RNF169: variants seen among roughly 807,000 people sequenced by gnomAD.
RNF169 encodes the protein ring finger protein 169.
RNF169 carries 24 observed loss-of-function variants against 53.9 expected under a neutral mutation model. That is an observed-to-expected ratio of 0.45 (90% CI 0.32 to 0.63). The LOEUF (loss-of-function observed/expected upper bound fraction) is 0.63. Ranked by LOEUF, RNF169 falls within the 20% of genes least tolerant of loss-of-function variation. The pLI is 0.04. For missense variants in RNF169, 883 were observed against 906.2 expected (o/e 0.97, Z 0.33); for synonymous variants, 396 against 363.5 (o/e 1.09, Z -1.02).
Position 74,817,604 on chromosome 11 carries a change from A to C in RNF169, c.732A>C (p.Ala244=), listed in dbSNP as rs1255067230. 1 of 1,607,692 alleles carries C rather than the reference A, an allele frequency of 6.2e-7. No individual in the cohort carries two copies. Among genetic ancestry groups the C allele is most frequent in the East Asian group, 2.2e-5 (1 of 44,870 alleles). ...CCTTGTCTCCCTGCCAGTGTCCTGC[A>C]CGTCTCTCAGATTCAGAGAATGAAG... ...VLKTNLERCP[A]RLSDSENEEP... is the part of the protein sequence containing the mutation. The change falls in exon 4 of 6, where the codon GCA becomes GCC. Residue 244 remains alanine (A), a synonymous_variant. Transcript: ENST00000299563.
intron 1 of RNF169, among the ~76,000 whole-genome samples, chr11:74,781,313 C>T (rs1381267355): frequency 1.3e-5 from 2 of 152,174 alleles, no homozygotes; most frequent in African/African-American, 4.8e-5. Flanking sequence ...ATGGTGGATC[C>T]TCTGTAGGAA....
At chr11:74,817,561 A>G (rs577303836) in intron 3 of RNF169, 35 bp from the exon 4 acceptor site, 1 of 1,375,830 alleles carries the variant, frequency 7.3e-7, no homozygotes, top group South Asian at 1.2e-5. Context: ...GGGAACTCCA[A>G]ATGGACAGTG....
intron 4 of RNF169, chr11:74,830,506 C>G (rs2036162251): frequency 6.6e-6 from 1 of 150,998 alleles, no homozygotes; most frequent in African/African-American, 2.4e-5. Flanking sequence ...AGTTGAAAAT[C>G]TGAATTGACC....
intron 1 of RNF169, among the ~76,000 whole-genome samples, chr11:74,778,663 A>G (rs2035372031): frequency 2.6e-5 from 4 of 152,250 alleles, no homozygotes; most frequent in Middle Eastern, 6.8e-3. Context: ...AAGGCCTGCA[A>G]TTTCTATAGT....
intron 2 of RNF169, among the ~76,000 whole-genome samples, chr11:74,797,227 C>T (rs901794283): frequency 1.3e-5 from 2 of 152,064 alleles, no homozygotes; most frequent in Admixed American, 6.5e-5. Context: ...TAATTATCTT[C>T]GAAATTACAT....
chr11:74,817,166 T>G (rs1181022535), intron 3 of RNF169, among the ~76,000 whole-genome samples: 1 of 152,222 alleles, frequency 6.6e-6, no homozygotes, highest in Non-Finnish European at 1.5e-5. Context: ...TATCCATGTA[T>G]TAACCCTGTA....
At chr11:74,835,143 C>T (rs961515207) in intron 5 of RNF169, among the ~76,000 whole-genome samples, 4 of 152,074 alleles carry the variant, frequency 2.6e-5, no homozygotes, top group Admixed American at 6.6e-5. Flanking sequence ...GCCACCATAC[C>T]TGGGGAATTT....
chr11:74,810,446 T>C, intron 3 of RNF169, 116 bp downstream of exon 3: 3 of 942,462 alleles, frequency 3.2e-6, no homozygotes, highest in Non-Finnish European at 5.0e-6. Context: ...AGTCAGTGAC[T>C]GTGCAGCTTA....
chr11:74,804,453 T>C (rs947252895), intron 2 of RNF169, among the ~76,000 whole-genome samples: 3 of 152,236 alleles, frequency 2.0e-5, no homozygotes, highest in Admixed American at 2.0e-4. Flanking sequence ...TGTCATGTTT[T>C]TGCACTGCAT....
At chr11:74,815,047 T>C (rs1591423427) in intron 3 of RNF169, among the ~76,000 whole-genome samples, 1 of 152,326 alleles carries the variant, frequency 6.6e-6, no homozygotes, top group East Asian at 1.9e-4. Flanking sequence ...TCTTTTCCTT[T>C]TTTTTAGGTA....
At chr11:74,788,808 C>A (rs1254621367) in intron 1 of RNF169, among the ~76,000 whole-genome samples, 1 of 152,078 alleles carries the variant, frequency 6.6e-6, no homozygotes, top group Non-Finnish European at 1.5e-5. Context: ...TTTATTGTTA[C>A]ATCTTCTTGA....
intron 2 of RNF169, among the ~76,000 whole-genome samples, chr11:74,795,982 A>C (rs1327117238): frequency 6.6e-6 from 1 of 152,214 alleles, no homozygotes; most frequent in African/African-American, 2.4e-5. Flanking sequence ...ATCCTTGCCA[A>C]ACCTTTTTCA....
intron 4 of RNF169, among the ~76,000 whole-genome samples, chr11:74,827,201 C>G (rs912616636): frequency 3.3e-5 from 5 of 152,212 alleles, no homozygotes; most frequent in Non-Finnish European, 7.3e-5. Flanking sequence ...CCTACAGGCC[C>G]AATACCACAT....
At chr11:74,831,472 C>T (rs138767099) in intron 4 of RNF169, 132 of 152,142 alleles carry the variant, frequency 8.7e-4, no homozygotes, top group Middle Eastern at 3.4e-3. Flanking sequence ...AACTACAAAA[C>T]GTTGCTGAAA....
chr11:74,785,321 T>C (rs2035484399), intron 1 of RNF169, among the ~76,000 whole-genome samples: 1 of 146,072 alleles, frequency 6.8e-6, no homozygotes, highest in South Asian at 2.1e-4. Context: ...ATATGTTATA[T>C]ATATTATATA....
intron 4 of RNF169, among the ~76,000 whole-genome samples, chr11:74,818,420 T>A (rs1449657870): frequency 6.6e-6 from 1 of 152,130 alleles, no homozygotes; most frequent in Non-Finnish European, 1.5e-5. Context: ...TTAGACAGTG[T>A]CTCACTCTGT....
chr11:74,781,658 C>T (rs576819063), intron 1 of RNF169, among the ~76,000 whole-genome samples: 8 of 152,218 alleles, frequency 5.3e-5, no homozygotes, highest in Admixed American at 5.2e-4. Context: ...GTGTTTTGTT[C>T]TTAGTTTTTA....
Position 74,817,606 on chromosome 11 carries a change from G to A in RNF169, c.734G>A (p.Arg245His), listed in dbSNP as rs982432319. The part of the protein sequence containing the change: ...LKTNLERCPA[R>H]LSDSENEEPS... ...TTGTCTCCCTGCCAGTGTCCTGCACGTCTCTCAGATTCAGAGAATGAAGAA... is the reference window on the plus strand; with the variant it reads ...TTGTCTCCCTGCCAGTGTCCTGCACATCTCTCAGATTCAGAGAATGAAGAA... Residue 245 changes from arginine (R) to histidine (H), a missense_variant, in exon 4 of 6, where the codon CGT (arginine) becomes CAT (histidine). Physicochemically the swap from Arg to His is conservative, Grantham distance 29. Transcript: ENST00000299563. 4.4e-6 allele frequency: 7 copies of A among 1,609,054 alleles called. No individual in the cohort carries two copies. Among genetic ancestry groups the A allele is most frequent in the Admixed American group, 1.7e-5 (1 of 60,002 alleles).
intron 1 of RNF169, among the ~76,000 whole-genome samples, chr11:74,782,085 T>TA (rs1360807311): frequency 6.6e-6 from 1 of 152,236 alleles, no homozygotes; most frequent in Non-Finnish European, 1.5e-5. Context: ...TTTATTATCT[T>TA]ACGCTTTGTA....
Sources: gnomAD v4.1 joint callset for allele counts (sites outside exome capture counted in the v4.1 genomes callset) on GRCh38, gnomAD v4.1.1 for gene constraint, MANE v1.5 for transcripts, NCBI Gene and HGNC (gene_info 2026-07-23, HGNC 2026-07-21) for gene names.